Variants in CACNG5 observed in about 807,000 individuals in gnomAD.
The protein encoded by CACNG5 is calcium voltage-gated channel auxiliary subunit gamma 5.
CACNG5 carries 18 observed loss-of-function variants against 24.8 expected under a neutral mutation model. That is an observed-to-expected ratio of 0.73 (90% CI 0.50 to 1.08). The LOEUF (loss-of-function observed/expected upper bound fraction) is 1.08. CACNG5 is among the 50% of genes least tolerant of loss of function. CACNG5 has a pLI of 0.00. For missense variants in CACNG5, 349 were observed against 367.9 expected (o/e 0.95, Z 0.42); for synonymous variants, 157 against 149.1 (o/e 1.05, Z -0.39).
chr17:66,870,980 CA>C lies in CACNG5; in HGVS notation c.-103-6238del, dbSNP rs398041804. ...TGGATGACAGGGTGAAACTCCATCT[CA>C]AAAAAAAAAAAGTCACATAGCATCA... On this transcript the variant is annotated intron_variant, in intron 1 of 5. Transcript: ENST00000533854. 1.9e-3 allele frequency among the ~76,000 whole-genome samples: 270 copies of C among 141,738 alleles called. 2 individuals are homozygous for C. The highest frequency in any genetic ancestry group is 5.0e-3 in the African/African-American group (191 of 38,496). The allele number at this position is 141,738 out of a possible 152,430, so 93.0% of individuals were successfully genotyped here. A position where few individuals can be genotyped will look rare whatever the true frequency, so the allele number is the denominator to read the frequency against.
At position 66,877,303 on chromosome 17, in the gene CACNG5, C is replaced by T. The variant is rs781687870; in HGVS notation, c.-30C>T. Reference sequence around the variant, plus strand: ...GCAGTCCGTGCTGGTGGGAGCGTGGCGACTAGTTGCACAGCAACGGTCCAG... The same window carrying T: ...GCAGTCCGTGCTGGTGGGAGCGTGGTGACTAGTTGCACAGCAACGGTCCAG... On this transcript the variant is annotated 5_prime_UTR_variant, in exon 2 of 6. Transcript: ENST00000533854. 1.9e-5 allele frequency: 30 copies of T among 1,596,562 alleles called. 1 individual carries two copies. In the South Asian group the frequency reaches 2.1e-4, roughly 11 times the overall value.
In CACNG5 at chr17:66,865,492, TTCTC is replaced by T. The variant is rs1976916302; in HGVS notation, c.-103-11737_-103-11734del. ...AGCTGAGCAGAGCCCAGGTTCCAAATTCTCAGTAGAAATAGGGACTCTTCTGTTA... is the reference window on the plus strand; with the variant it reads ...AGCTGAGCAGAGCCCAGGTTCCAAATAGTAGAAATAGGGACTCTTCTGTTA... On this transcript the variant is annotated intron_variant, in intron 1 of 5. Coordinates refer to ENST00000533854, the MANE Select transcript of CACNG5 (RefSeq NM_145811.3). 3.3e-5 allele frequency among the ~76,000 whole-genome samples: 5 copies of T among 152,310 alleles called. No individual in the cohort carries two copies. The South Asian group carries it at 1.0e-3, about 32-fold the overall frequency.
intron 1 of CACNG5, among the ~76,000 whole-genome samples, chr17:66,873,149 G>A (rs1474092114): frequency 6.6e-6 from 1 of 152,124 alleles, no homozygotes; most frequent in Non-Finnish European, 1.5e-5. Flanking sequence ...GTTATCGTGA[G>A]GTCCTGATGA....
In CACNG5 at chr17:66,877,541, A is replaced by G; in HGVS notation, c.196+13A>G. The G allele has an allele frequency of 1.9e-6, 3 of 1,611,118 alleles. No homozygotes were observed. Reference sequence around the variant, plus strand: ...TGCTTCCTTGCAGGTAAGGGTGCCCAGGGTTGGGGACAGCCCTGCCCCCTG... The same window carrying G: ...TGCTTCCTTGCAGGTAAGGGTGCCCGGGGTTGGGGACAGCCCTGCCCCCTG... On this transcript the variant is annotated intron_variant, in intron 2 of 5. Transcript: ENST00000533854.
chr17:66,847,303 TC>T (rs1335078799), intron 1 of CACNG5, among the ~76,000 whole-genome samples: 4 of 152,206 alleles, frequency 2.6e-5, no homozygotes, highest in African/African-American at 9.7e-5. Flanking sequence ...TCTGTATTAG[TC>T]CCTTTTCATA....
chr17:66,847,548 C>A (rs1976653482), intron 1 of CACNG5, among the ~76,000 whole-genome samples: 1 of 120,116 alleles, frequency 8.3e-6, no homozygotes, highest in African/African-American at 3.3e-5. Flanking sequence ...GAAAAACCCA[C>A]CCCCATGACT....
chr17:66,845,461 T>TGA, intron 1 of CACNG5, among the ~76,000 whole-genome samples: 1 of 147,710 alleles, frequency 6.8e-6, no homozygotes, highest in South Asian at 2.1e-4. Flanking sequence ...AAGTAAAATT[T>TGA]AAAAAAAAAA....
chr17:66,879,004 T>C lies in CACNG5; in HGVS notation c.229T>C (p.Tyr77His). The C allele has an allele frequency of 6.2e-7, 1 of 1,613,834 alleles. No homozygotes were observed. The highest frequency in any genetic ancestry group is 8.5e-7 in the Non-Finnish European group (1 of 1,179,864). Residue 77 changes from tyrosine to histidine, a missense_variant, in exon 3 of 6, where the codon TAT becomes CAT. Transcript: ENST00000533854. Reference protein sequence around the residue: ...EERGRCFTIEYVMPMNTQLTS... With the variant: ...EERGRCFTIEHVMPMNTQLTS... ...GCGGGGGCGTTGCTTCACCATAGAA[T>C]ATGTGATGCCCATGAACACCCAGCT...
At chr17:66,859,486 C>T (rs16960285) in intron 1 of CACNG5, among the ~76,000 whole-genome samples, 6,400 of 152,178 alleles carry the variant, frequency 0.042, 462 homozygotes, top group African/African-American at 0.15. Flanking sequence ...TTTATAGAAG[C>T]GCATCACAGT....
intron 4 of CACNG5, among the ~76,000 whole-genome samples, chr17:66,882,037 G>A (rs1977165400): frequency 6.6e-6 from 1 of 152,130 alleles, no homozygotes; most frequent in Non-Finnish European, 1.5e-5. Context: ...TGACCATGCT[G>A]GGGAATGGAG....
rs935175872 is a variant in CACNG5, at chr17:66,887,969, C to T, written c.*2729C>T. Among the ~76,000 whole-genome samples, 36 of 152,222 alleles carry T rather than the reference C, an allele frequency of 2.4e-4. No individual in the cohort carries two copies. Among genetic ancestry groups the T allele is most frequent in the African/African-American group, 8.4e-4 (35 of 41,548 alleles). ...TCAGGAGACTTTTACCAAACGTTAA[C>T]ATGTACAAACTCAACTCAGAAATCA... On this transcript the variant is annotated 3_prime_UTR_variant, in exon 6 of 6. Transcript: ENST00000533854.
rs1976737682 is a variant in CACNG5 at position 66,853,802 on chromosome 17, TA to T, written c.-104+18553del. ...CCTCTTTGCAAACAGAGAACTTCCT[TA>T]CCCTGATAAGCTGTATTTTCAACAA... On this transcript the variant is annotated intron_variant, in intron 1 of 5. Transcript: ENST00000533854. Among the ~76,000 whole-genome samples the T allele has an allele frequency of 2.0e-5, 3 of 152,320 alleles. No individual in the cohort carries two copies. In the South Asian group the frequency reaches 6.2e-4, roughly 32 times the overall value.
rs71160595 is a variant in CACNG5 at position 66,838,960 on chromosome 17, C to CTTTTTTTTTTTTTTTT, written c.-104+3714_-104+3729dup. 1.6e-3 allele frequency among the ~76,000 whole-genome samples: 141 copies of CTTTTTTTTTTTTTTTT among 88,082 alleles called. 9 individuals carry two copies. Among genetic ancestry groups the CTTTTTTTTTTTTTTTT allele is most frequent in the African/African-American group, 3.2e-3 (65 of 20,476 alleles). The allele number at this position is 88,082 out of a possible 152,430, so 57.8% of individuals were successfully genotyped here. On this transcript the variant is annotated intron_variant, in intron 1 of 5. Coordinates refer to ENST00000533854, the MANE Select transcript of CACNG5 (RefSeq NM_145811.3). ...GTAGCACCCCAGTCCCTCACCCATT[C>CTTTTTTTTTTTTTTTT]TTTTTTTTTTTTTTTTTTTGAGACA...
At chr17:66,866,992 G>A (rs772425720) in intron 1 of CACNG5, among the ~76,000 whole-genome samples, 12 of 152,138 alleles carry the variant, frequency 7.9e-5, no homozygotes, top group Non-Finnish European at 1.6e-4. Context: ...CCCAGTAATG[G>A]CATTCTTGGG....
rs1429987731 is a variant in CACNG5 at position 66,888,404 on chromosome 17, C to T, written c.*3164C>T. On this transcript the variant is annotated 3_prime_UTR_variant, in exon 6 of 6. Coordinates refer to ENST00000533854, the MANE Select transcript of CACNG5 (RefSeq NM_145811.3). The stretch of plus-strand genomic sequence containing the variant: ...CTAAAAATACAAAAAATTAGCTGGG[C>T]GTGGTGGTGGGAGCCTGTAGTCCCA... 1.3e-5 allele frequency among the ~76,000 whole-genome samples: 2 copies of T among 150,866 alleles called. No homozygotes were observed. The highest frequency in any genetic ancestry group is 2.0e-4 in the East Asian group (1 of 5,084).
At chr17:66,864,682 A>G (rs951123756) in intron 1 of CACNG5, among the ~76,000 whole-genome samples, 1 of 152,106 alleles carries the variant, frequency 6.6e-6, no homozygotes, top group African/African-American at 2.4e-5. Context: ...AACTGTTTTA[A>G]TTTTTGTAGC....
chr17:66,856,455 A>G (rs1418438116), intron 1 of CACNG5, among the ~76,000 whole-genome samples: 2 of 152,120 alleles, frequency 1.3e-5, no homozygotes, highest in African/African-American at 4.8e-5. Flanking sequence ...GTACAAAGGG[A>G]TATCCTGGTA....
intron 1 of CACNG5, among the ~76,000 whole-genome samples, chr17:66,852,279 G>A (rs540927089): frequency 6.6e-6 from 1 of 152,292 alleles, no homozygotes; most frequent in East Asian, 1.9e-4. Flanking sequence ...TCAGAGTTGG[G>A]CTGAGCCACA....
chr17:66,868,440 T>A (rs190295884), intron 1 of CACNG5, among the ~76,000 whole-genome samples: 73 of 152,216 alleles, frequency 4.8e-4, no homozygotes, highest in African/African-American at 1.8e-3. Flanking sequence ...TTTGTTTTTG[T>A]CAAAGGACAG....
Sources: allele counts gnomAD v4.1 joint callset (sites outside exome capture counted in the v4.1 genomes callset), GRCh38; gene constraint gnomAD v4.1.1; transcripts MANE v1.5; gene names NCBI Gene and HGNC (gene_info 2026-07-23, HGNC 2026-07-21).